LRBA: variants seen among roughly 807,000 people sequenced by gnomAD.
The protein encoded by LRBA is lipopolysaccharide-responsive and beige-like anchor protein.
A neutral mutation model predicts 330.0 loss-of-function variants in LRBA; 176 were observed. The observed-to-expected ratio is 0.53, with a 90% CI of 0.47 to 0.60. The LOEUF is 0.60. Among genes scored for constraint, LRBA ranks in the 20% least tolerant of loss-of-function variants. The probability of loss-of-function intolerance (pLI) is 0.00; values close to 1 mark genes in which losing one functional copy is unlikely to be tolerated. For synonymous variants in LRBA, 1,230 were observed against 1,193.0 expected (o/e 1.03, Z -0.64); for missense variants, 3,259 against 3,444.8 (o/e 0.95, Z 1.35).
intron 40 of LRBA, among the ~76,000 whole-genome samples, chr4:150,574,474 A>G (rs557874165): frequency 2.6e-5 from 4 of 152,108 alleles, no homozygotes; most frequent in South Asian, 4.1e-4. Flanking sequence ...CAACCCACTC[A>G]TTTAGCAATT....
intron 32 of LRBA, among the ~76,000 whole-genome samples, chr4:150,806,911 T>A (rs563597983): frequency 1.3e-5 from 2 of 152,166 alleles, no homozygotes; most frequent in South Asian, 4.1e-4. Context: ...GCAATGTGAA[T>A]GATTTTTCTC....
At chr4:150,738,085 G>A (rs543044221) in intron 35 of LRBA, among the ~76,000 whole-genome samples, 44 of 150,480 alleles carry the variant, frequency 2.9e-4, no homozygotes, top group African/African-American at 1.1e-3. Context: ...CTGCCTCCTG[G>A]GTTCAAGCGA....
chr4:150,406,594 AACAGAG>A, intron 47 of LRBA, among the ~76,000 whole-genome samples: 1 of 152,178 alleles, frequency 6.6e-6, no homozygotes, highest in Non-Finnish European at 1.5e-5. Flanking sequence ...ACTAAAAACA[AACAGAG>A]ACAATTTATG....
At chr4:150,999,493 G>A (rs1412722783) in intron 2 of LRBA, among the ~76,000 whole-genome samples, 20 of 151,772 alleles carry the variant, frequency 1.3e-4, no homozygotes, top group Non-Finnish European at 8.8e-5. Context: ...GAACTCCTGG[G>A]CTCAAATGAT....
intron 33 of LRBA, among the ~76,000 whole-genome samples, chr4:150,804,508 T>C (rs1347159209): frequency 6.6e-6 from 1 of 152,184 alleles, no homozygotes; most frequent in East Asian, 1.9e-4. Flanking sequence ...TATATCCTTA[T>C]TGCTACAAGA....
intron 47 of LRBA, among the ~76,000 whole-genome samples, chr4:150,358,513 G>T (rs943157677): frequency 1.3e-5 from 2 of 151,806 alleles, no homozygotes; most frequent in African/African-American, 4.8e-5. Flanking sequence ...TTTAAAACAG[G>T]TATACTAGAT....
At chr4:150,480,829 A>C (rs1336436492) in intron 42 of LRBA, among the ~76,000 whole-genome samples, 1 of 152,174 alleles carries the variant, frequency 6.6e-6, no homozygotes, top group Non-Finnish European at 1.5e-5. Context: ...TTTATCATTT[A>C]CTTGTGTTAG....
At chr4:150,803,814 C>T (rs1742134962) in intron 33 of LRBA, among the ~76,000 whole-genome samples, 1 of 152,146 alleles carries the variant, frequency 6.6e-6, no homozygotes, top group African/African-American at 2.4e-5. Flanking sequence ...AGTACACCTT[C>T]TTCCTTCTTA....
chr4:150,374,773 G>A (rs1740981771), intron 47 of LRBA, among the ~76,000 whole-genome samples: 1 of 152,162 alleles, frequency 6.6e-6, no homozygotes, highest in Non-Finnish European at 1.5e-5. Context: ...TCAGGTAAGG[G>A]ATACTCAACT....
At chr4:150,268,084 A>T (rs1359036227) in intron 56 of LRBA, among the ~76,000 whole-genome samples, 2 of 151,738 alleles carry the variant, frequency 1.3e-5, no homozygotes, top group Non-Finnish European at 2.9e-5. Flanking sequence ...AATGACTCAA[A>T]TTACTAAAAT....
chr4:150,970,564 C>CGTGTGTGTGT (rs1561074320), intron 2 of LRBA: 4 of 136,022 alleles, frequency 2.9e-5, no homozygotes, highest in African/African-American at 1.1e-4. Flanking sequence ...TGTACACACA[C>CGTGTGTGTGT]ACACACACAC....
At chr4:150,975,802 G>C (rs1740099751) in intron 2 of LRBA, among the ~76,000 whole-genome samples, 1 of 151,996 alleles carries the variant, frequency 6.6e-6, no homozygotes, top group Admixed American at 6.6e-5. Context: ...TGAAAAAAAT[G>C]AATAATCTAA....
At chr4:150,579,026 C>G (rs886069428) in intron 40 of LRBA, 1 of 311,490 alleles carries the variant, frequency 3.2e-6, no homozygotes, top group South Asian at 2.8e-5. Flanking sequence ...CTCATTAACT[C>G]AAGTATGATG....
At chr4:150,777,717 C>T (rs2126571357) in intron 34 of LRBA, among the ~76,000 whole-genome samples, 1 of 152,040 alleles carries the variant, frequency 6.6e-6, no homozygotes, top group South Asian at 2.1e-4. Flanking sequence ...CAGTGGCTCC[C>T]ATCTGTAATC....
At chr4:150,789,973 T>A (rs1218523382) in intron 34 of LRBA, among the ~76,000 whole-genome samples, 1 of 152,144 alleles carries the variant, frequency 6.6e-6, no homozygotes, top group Non-Finnish European at 1.5e-5. Context: ...CTCTTCTTAA[T>A]CCCAAATTTA....
At chr4:150,313,028 C>T (rs116730076) in intron 51 of LRBA, among the ~76,000 whole-genome samples, 5,503 of 151,808 alleles carry the variant, frequency 0.036, 243 homozygotes, top group African/African-American at 0.097. Flanking sequence ...TACAGATAAA[C>T]TTATTTTAAA....
At chr4:150,847,998 C>A (rs1750074016) in intron 26 of LRBA, among the ~76,000 whole-genome samples, 1 of 151,890 alleles carries the variant, frequency 6.6e-6, no homozygotes, top group Non-Finnish European at 1.5e-5. Flanking sequence ...CAATTTTAGG[C>A]CTTACCCTAG....
At chr4:150,474,475 A>C (rs1389892781) in intron 42 of LRBA, among the ~76,000 whole-genome samples, 1 of 152,132 alleles carries the variant, frequency 6.6e-6, no homozygotes, top group Non-Finnish European at 1.5e-5. Flanking sequence ...TATATTTCAA[A>C]ATTGTTTCAG....
At position 150,520,861 on chromosome 4, in the gene LRBA, T is replaced by C. The variant is rs752571343; in HGVS notation, c.6331-29826A>G. On this transcript the variant is annotated intron_variant, in intron 40 of 56. Transcript: ENST00000651943. Reference sequence around the variant, plus strand: ...ATATAATAGTATAATAGTATACCTATTGTATACTATCTTGTACTTGGGTGA... The same window carrying C: ...ATATAATAGTATAATAGTATACCTACTGTATACTATCTTGTACTTGGGTGA... Among the ~76,000 whole-genome samples, 6 of 152,178 alleles carry C rather than the reference T, an allele frequency of 3.9e-5. No individual in the cohort carries two copies. The East Asian group carries it at 1.2e-3, about 29-fold the overall frequency.
Sources: allele counts gnomAD v4.1 joint callset (sites outside exome capture counted in the v4.1 genomes callset), GRCh38; gene constraint gnomAD v4.1.1; transcripts MANE v1.5; gene names NCBI Gene and HGNC (gene_info 2026-07-23, HGNC 2026-07-21).